The following POPDC1 variants were observed in gnomAD, a reference collection of about 807,000 sequenced individuals.
POPDC1 encodes the protein popeye domain-containing protein 1.
At chr6:105,132,951 G>A in the POPDC1 span, among the ~76,000 whole-genome samples, 2 of 152,130 alleles carry the variant, frequency 1.3e-5, no homozygotes, top group Non-Finnish European at 2.9e-5. Context: ...AACAACTTTG[G>A]GAGGTGGTAT....
the POPDC1 span, among the ~76,000 whole-genome samples, chr6:105,121,268 C>CTT: frequency 3.2e-4 from 46 of 142,628 alleles, no homozygotes; most frequent in East Asian, 6.7e-3. Context: ...CTACTTTTAT[C>CTT]TTTTTTTTTT....
At chr6:105,100,234 G>A in the POPDC1 span, 3 of 152,202 alleles carry the variant, frequency 2.0e-5, no homozygotes, top group Non-Finnish European at 2.9e-5. Context: ...AATAGGCCGG[G>A]CGCGGTGGCT....
the POPDC1 span, chr6:105,101,062 T>A: frequency 6.3e-7 from 1 of 1,590,220 alleles, no homozygotes; most frequent in Non-Finnish European, 8.5e-7. Context: ...ACACCTTCCG[T>A]CTTGGTAACC....
the POPDC1 span, among the ~76,000 whole-genome samples, chr6:105,104,017 G>A: frequency 6.6e-6 from 1 of 152,178 alleles, no homozygotes; most frequent in African/African-American, 2.4e-5. Flanking sequence ...TAATGAGAGT[G>A]ATTCACAATC....
the POPDC1 span, among the ~76,000 whole-genome samples, chr6:105,132,028 C>G: frequency 6.7e-6 from 1 of 150,366 alleles, no homozygotes; most frequent in Non-Finnish European, 1.5e-5. Flanking sequence ...TGCAGTGGCA[C>G]AATCTTGGCT....
the POPDC1 span, among the ~76,000 whole-genome samples, chr6:105,131,383 T>C: frequency 2.0e-5 from 3 of 152,342 alleles, no homozygotes; most frequent in East Asian, 1.9e-4. Context: ...GGCCATTTTT[T>C]CTCCATCTTA....
chr6:105,122,609 G>A, the POPDC1 span, among the ~76,000 whole-genome samples: 1 of 152,186 alleles, frequency 6.6e-6, no homozygotes, highest in African/African-American at 2.4e-5. Flanking sequence ...ATATGAGATA[G>A]TTATCACACA....
the POPDC1 span, among the ~76,000 whole-genome samples, chr6:105,120,507 G>A: frequency 3.3e-5 from 5 of 152,138 alleles, no homozygotes; most frequent in African/African-American, 9.7e-5. Context: ...CTTCTTATTA[G>A]GCATTTCAGT....
chr6:105,115,227 C>G, the POPDC1 span, among the ~76,000 whole-genome samples: 1 of 152,224 alleles, frequency 6.6e-6, no homozygotes, highest in Non-Finnish European at 1.5e-5. Flanking sequence ...GCCAGGACTA[C>G]AGGCGCCTGC....
chr6:105,128,493 G>GTGGGTGAGAAAAAAAGCCC, the POPDC1 span, among the ~76,000 whole-genome samples: 1 of 152,094 alleles, frequency 6.6e-6, no homozygotes, highest in Non-Finnish European at 1.5e-5. Context: ...AAGATACAAG[G>GTGGGTGAGAAAAAAAGCCC]TGGGTGAGAA....
the POPDC1 span, among the ~76,000 whole-genome samples, chr6:105,119,308 A>G: frequency 6.6e-6 from 1 of 152,176 alleles, no homozygotes; most frequent in Non-Finnish European, 1.5e-5. Context: ...ATTTCATAGA[A>G]AGTATTTCTG....
At chr6:105,136,424 C>G in the POPDC1 span, 1 of 152,236 alleles carries the variant, frequency 6.6e-6, no homozygotes, top group Non-Finnish European at 1.5e-5. Flanking sequence ...GCTCTCGGGA[C>G]GCGGGGGTGA....
the POPDC1 span, among the ~76,000 whole-genome samples, chr6:105,111,275 T>C: frequency 1.3e-5 from 2 of 152,220 alleles, no homozygotes; most frequent in East Asian, 1.9e-4. Context: ...CCTGTTACCA[T>C]AGCAATGCCT....
At chr6:105,113,285 C>G in the POPDC1 span, among the ~76,000 whole-genome samples, 1 of 152,084 alleles carries the variant, frequency 6.6e-6, no homozygotes, top group Admixed American at 6.5e-5. Flanking sequence ...ACAGAACCAG[C>G]CCCCATGGAA....
At chr6:105,118,845 A>T in the POPDC1 span, among the ~76,000 whole-genome samples, 1 of 152,274 alleles carries the variant, frequency 6.6e-6, no homozygotes, top group African/African-American at 2.4e-5. Context: ...AGGACCAAAA[A>T]ACTCACAAAC....
chr6:105,118,496 T>C, the POPDC1 span, among the ~76,000 whole-genome samples: 2 of 152,262 alleles, frequency 1.3e-5, no homozygotes, highest in African/African-American at 4.8e-5. Context: ...TTACTATGCA[T>C]GTACTTTATG....
At chr6:105,111,708 T>G in the POPDC1 span, among the ~76,000 whole-genome samples, 2 of 152,080 alleles carry the variant, frequency 1.3e-5, no homozygotes, top group Admixed American at 6.6e-5. Context: ...TGGAAAGGAG[T>G]AGAGACCTTG....
chr6:105,129,486 C>T, the POPDC1 span: 69 of 1,611,240 alleles, frequency 4.3e-5, no homozygotes, highest in African/African-American at 7.2e-4. Context: ...GTGGCCCAGA[C>T]GATATAAAGG....
chr6:105,115,790 G>A, the POPDC1 span: 1 of 1,614,054 alleles, frequency 6.2e-7, no homozygotes, highest in Non-Finnish European at 8.5e-7. Context: ...GGAGATCTGT[G>A]TGCAGAGGCT....
Sources: gnomAD v4.1 joint callset for allele counts (sites outside exome capture counted in the v4.1 genomes callset) on GRCh38, gnomAD v4.1.1 for gene constraint, MANE v1.5 for transcripts, NCBI Gene and HGNC (gene_info 2026-07-23, HGNC 2026-07-21) for gene names.